Variants in TBCA observed in about 807,000 individuals in gnomAD.
TBCA encodes the protein tubulin-specific chaperone A.
TBCA carries 6 observed loss-of-function variants against 15.8 expected under a neutral mutation model. The ratio of observed to expected loss-of-function variants is 0.38; its 90% CI spans 0.21 to 0.75. The LOEUF is 0.75. TBCA is among the 30% of genes least tolerant of loss of function. The probability of loss-of-function intolerance (pLI) is 0.46; values close to 1 mark genes in which losing one functional copy is unlikely to be tolerated. For synonymous variants in TBCA, 32 were observed against 42.3 expected, an observed-to-expected ratio of 0.76 and a Z score of 0.94; for missense variants, 90 against 131.2, an observed-to-expected ratio of 0.69 and a Z score of 1.53.
At chr5:77,713,302 T>C (rs1182921785) in intron 1 of TBCA, among the ~76,000 whole-genome samples, 1 of 152,032 alleles carries the variant, frequency 6.6e-6, no homozygotes, top group Non-Finnish European at 1.5e-5. Context: ...TCAAAAAATA[T>C]ATAATAATAC....
intron 1 of TBCA, among the ~76,000 whole-genome samples, chr5:77,732,863 C>T (rs1473374955): frequency 1.3e-5 from 2 of 152,190 alleles, no homozygotes; most frequent in Non-Finnish European, 2.9e-5. Context: ...ATTTCTCTTG[C>T]TCTCTTCAGG....
intron 2 of TBCA, among the ~76,000 whole-genome samples, chr5:77,704,377 T>C (rs1327516991): frequency 1.3e-5 from 2 of 152,180 alleles, no homozygotes; most frequent in African/African-American, 2.4e-5. Context: ...GAATAAGAGA[T>C]AGCACCTTAA....
At chr5:77,737,847 T>C (rs1296203715) in intron 1 of TBCA, among the ~76,000 whole-genome samples, 1 of 152,238 alleles carries the variant, frequency 6.6e-6, no homozygotes, top group East Asian at 1.9e-4. Context: ...CTGATACATC[T>C]TTCCTCTTTG....
intron 2 of TBCA, among the ~76,000 whole-genome samples, chr5:77,706,460 G>C (rs975608927): frequency 6.6e-6 from 1 of 152,116 alleles, no homozygotes; most frequent in Non-Finnish European, 1.5e-5. Flanking sequence ...GTACTAGCAA[G>C]AGATGATAGT....
intron 2 of TBCA, among the ~76,000 whole-genome samples, chr5:77,693,799 CAAAAA>C (rs70991303): frequency 1.7e-3 from 132 of 77,954 alleles, no homozygotes; most frequent in African/African-American, 3.9e-3. Flanking sequence ...AACTCCATCT[CAAAAA>C]AAAAAAAAAA....
At position 77,776,119 on chromosome 5, in the gene TBCA, C is replaced by T. The variant is rs1246341881; in HGVS notation, c.53+86G>A. The T allele has an allele frequency of 3.3e-6, 5 of 1,513,424 alleles. No individual in the cohort carries two copies. The East Asian group carries it at 1.2e-4, about 38-fold the overall frequency. 93.7% of individuals were successfully genotyped at this position (1,513,424 alleles called of 1,614,324 possible). On this transcript the variant is annotated intron_variant, in intron 1 of 3. Coordinates refer to ENST00000380377, the MANE Select transcript of TBCA (RefSeq NM_004607.3). ...CTGGAGTTCGGAGCCCGCCTCGGGC[C>T]TCCTCGGGCCTGCGCTCCGCTCAGC...
chr5:77,729,931 T>C (rs994662328), intron 1 of TBCA, among the ~76,000 whole-genome samples: 1 of 152,238 alleles, frequency 6.6e-6, no homozygotes, highest in Non-Finnish European at 1.5e-5. Context: ...GTGTTGAGTT[T>C]ACTTTATCCT....
intron 2 of TBCA, among the ~76,000 whole-genome samples, chr5:77,704,907 C>T (rs1366013877): frequency 6.6e-6 from 1 of 152,070 alleles, no homozygotes; most frequent in East Asian, 1.9e-4. Context: ...TCTAACAAAT[C>T]CTGTTAAAAA....
chr5:77,692,911 C>A lies in TBCA; in HGVS notation c.246+355G>T, dbSNP rs1002461777. On this transcript the variant is annotated intron_variant, in intron 3 of 3. Coordinates refer to ENST00000380377, the MANE Select transcript of TBCA (RefSeq NM_004607.3). ...CCCAAATTCTTTTGAAACATTAGAT[C>A]TTTTAAAATTTTAATCAGTCAACTC... 4.9e-6 allele frequency: 6 copies of A among 1,222,176 alleles called. No individual in the cohort carries two copies. The South Asian group carries it at 7.3e-5, about 15-fold the overall frequency. The allele number at this position is 1,222,176 out of a possible 1,614,324, so 75.7% of individuals were successfully genotyped here.
At chr5:77,692,615 A>G in intron 3 of TBCA, 1 of 985,350 alleles carries the variant, frequency 1.0e-6, no homozygotes, top group Non-Finnish European at 1.2e-6. Context: ...AGCAATTTCT[A>G]TTACTTTCTC....
In TBCA at chr5:77,764,410, GGATTAA is replaced by G. The variant is rs556172173; in HGVS notation, c.53+11789_53+11794del. 6.6e-5 allele frequency among the ~76,000 whole-genome samples: 10 copies of G among 152,150 alleles called. 1 individual carries two copies. The highest frequency in any genetic ancestry group is 7.4e-5 in the Non-Finnish European group (5 of 67,978). On this transcript the variant is annotated intron_variant, in intron 1 of 3. Coordinates refer to ENST00000380377, the MANE Select transcript of TBCA (RefSeq NM_004607.3). ...ATAATGAGTATGTGGCATAAATCAA[GGATTAA>G]GATTAATTCAGTTCTACACAACCAG... is the stretch of plus-strand genomic sequence containing the variant.
chr5:77,744,707 T>C lies in TBCA; in HGVS notation c.53+31498A>G, dbSNP rs369707104. On this transcript the variant is annotated intron_variant, in intron 1 of 3. Coordinates refer to ENST00000380377, the MANE Select transcript of TBCA (RefSeq NM_004607.3). Reference sequence around the variant, plus strand: ...TCCACCACTATGCACGGCTAATTTTTGTATTTTTAGTAGAGACGGGGTTTC... The same window carrying C: ...TCCACCACTATGCACGGCTAATTTTCGTATTTTTAGTAGAGACGGGGTTTC... Among the ~76,000 whole-genome samples the C allele has an allele frequency of 1.2e-4, 19 of 152,122 alleles. No individual in the cohort carries two copies. The East Asian group carries it at 3.1e-3, about 25-fold the overall frequency.
chr5:77,744,832 A>C (rs1367523880), intron 1 of TBCA, among the ~76,000 whole-genome samples: 1 of 152,104 alleles, frequency 6.6e-6, no homozygotes, highest in Non-Finnish European at 1.5e-5. Flanking sequence ...CACTGCACCC[A>C]GCCTCTTATT....
In TBCA at chr5:77,755,019, C is replaced by G. The variant is rs143693529; in HGVS notation, c.53+21186G>C. 8.1e-4 allele frequency among the ~76,000 whole-genome samples: 124 copies of G among 152,338 alleles called. 3 individuals carry two copies. In the East Asian group the frequency reaches 0.017, roughly 21 times the overall value. On this transcript the variant is annotated intron_variant, in intron 1 of 3. Transcript: ENST00000380377. Reference sequence around the variant, plus strand: ...ATACATGTAGCTATACATAAACACACACATACTCATAAAAACAAAGTTCTA... The same window carrying G: ...ATACATGTAGCTATACATAAACACAGACATACTCATAAAAACAAAGTTCTA...
intron 1 of TBCA, among the ~76,000 whole-genome samples, chr5:77,765,742 T>C (rs578016796): frequency 1.3e-5 from 2 of 152,262 alleles, no homozygotes; most frequent in East Asian, 3.9e-4. Flanking sequence ...AGAAGAGATA[T>C]ACTTCCACAC....
At chr5:77,746,374 A>T (rs1747187894) in intron 1 of TBCA, among the ~76,000 whole-genome samples, 1 of 152,180 alleles carries the variant, frequency 6.6e-6, no homozygotes, top group African/African-American at 2.4e-5. Flanking sequence ...TTAAATTGTA[A>T]ATTTTGATAC....
chr5:77,693,049 A>C, intron 3 of TBCA: 1 of 1,431,590 alleles, frequency 7.0e-7, no homozygotes, highest in Non-Finnish European at 9.1e-7. Flanking sequence ...AATTTTAATA[A>C]ACTGAACAAA....
At chr5:77,711,119 T>C (rs890366459) in intron 1 of TBCA, among the ~76,000 whole-genome samples, 14 of 152,184 alleles carry the variant, frequency 9.2e-5, no homozygotes, top group African/African-American at 2.9e-4. Flanking sequence ...AGTTTTTACA[T>C]TTTTGAATGG....
At chr5:77,715,676 T>C (rs1746383776) in intron 1 of TBCA, among the ~76,000 whole-genome samples, 1 of 152,160 alleles carries the variant, frequency 6.6e-6, no homozygotes, top group Non-Finnish European at 1.5e-5. Context: ...AAAGTCTTCT[T>C]TGGGCAGGCT....
Sources: allele counts gnomAD v4.1 joint callset (sites outside exome capture counted in the v4.1 genomes callset), GRCh38; gene constraint gnomAD v4.1.1; transcripts MANE v1.5; gene names NCBI Gene and HGNC (gene_info 2026-07-23, HGNC 2026-07-21).